The following C6orf136 variants were observed in gnomAD, a reference collection of about 807,000 sequenced individuals.
C6orf136 encodes chromosome 6 open reading frame 136.
Under a neutral mutation model 44.0 loss-of-function variants are expected in C6orf136, and 29 were observed. That is an observed-to-expected ratio of 0.66 (90% CI 0.49 to 0.90). The LOEUF (loss-of-function observed/expected upper bound fraction) is 0.90, where lower values mean the gene tolerates loss of function less well. C6orf136 is among the 40% of genes least tolerant of loss of function. C6orf136 has a pLI of 0.00. For synonymous variants in C6orf136, 293 were observed against 278.6 expected (o/e 1.05, Z -0.52); for missense variants, 628 against 669.3 (o/e 0.94, Z 0.68).
At chr6:30,651,589 C>T in intron 4 of C6orf136, 123 bp downstream of exon 4, 1 of 941,556 alleles carries the variant, frequency 1.1e-6, no homozygotes. Context: ...TCACTGCAGC[C>T]TCTGCCTCCC....
rs762999694 is a variant in C6orf136, at chr6:30,647,224, G to A, written c.-8G>A. ...CTCAGGAGGCTCCTTCTCCACTCCC[G>A]GAAGATCATGTACCAGCCCAGCCGG... On this transcript the variant is annotated 5_prime_UTR_variant, in exon 1 of 6. Transcript: ENST00000651131. This position sits in a 1 kb window ranked among gnomAD's most constrained non-coding sequence, Gnocchi z 4.8. The A allele has an allele frequency of 1.6e-5, 25 of 1,578,492 alleles. 1 individual carries two copies. In the Middle Eastern group the frequency reaches 6.7e-4, roughly 42 times the overall value.
intron 1 of C6orf136, among the ~76,000 whole-genome samples, chr6:30,648,475 T>G (rs1767083740): frequency 6.7e-6 from 1 of 150,148 alleles, no homozygotes. Context: ...CTCGGCTCAC[T>G]GCAATCTCCG....
rs141632226 is a variant in C6orf136, at chr6:30,648,989, C to T, written c.616-569C>T. Among the ~76,000 whole-genome samples the T allele has an allele frequency of 1.9e-3, 285 of 147,028 alleles. 2 individuals carry two copies. The highest frequency in any genetic ancestry group is 6.0e-3 in the East Asian group (28 of 4,668). On this transcript the variant is annotated intron_variant, in intron 1 of 5. Transcript: ENST00000651131. ...CGCCAATGCACTCCAGCCTGGGCGA[C>T]GGTGAGACTTCGTCTCAAAAAAAGA... is the stretch of plus-strand genomic sequence containing the variant.
At chr6:30,649,095 T>G (rs145817704) in intron 1 of C6orf136, among the ~76,000 whole-genome samples, 2,219 of 152,266 alleles carry the variant, frequency 0.015, 46 homozygotes, top group African/African-American at 0.05. Context: ...CTGGGCGCGG[T>G]GGCCCACGCC....
chr6:30,647,956 G>T lies in C6orf136; in HGVS notation c.615+110G>T. 7.2e-7 allele frequency: 1 copy of T among 1,395,702 alleles called. No homozygotes were observed. The highest frequency in any genetic ancestry group is 9.3e-7 in the Non-Finnish European group (1 of 1,072,862). The allele number at this position is 1,395,702 out of a possible 1,614,324, so 86.5% of individuals were successfully genotyped here. On this transcript the variant is annotated intron_variant, in intron 1 of 5. Coordinates refer to ENST00000651131, the MANE Select transcript of C6orf136 (RefSeq NM_001161376.2). This position sits in a 1 kb window ranked among gnomAD's most constrained non-coding sequence, Gnocchi z 4.8. ...TAACTTTGGGTGACCTCCCCTTGCA[G>T]TTTCAACGTCGGTAAACCCAGGAGA...
chr6:30,649,287 C>T (rs9262133), intron 1 of C6orf136, among the ~76,000 whole-genome samples: 12,661 of 152,196 alleles, frequency 0.083, 775 homozygotes, highest in East Asian at 0.26. Flanking sequence ...CACTTGAACC[C>T]GGGAGGCGGA....
At position 30,650,004 on chromosome 6, in the gene C6orf136, T is replaced by G. The variant is rs374675890; in HGVS notation, c.1017+45T>G. Reference sequence around the variant, plus strand: ...GCCTTCGTCTACAGTGGGAAGGATGTGGGTAATCCTTGGACGTACAGGGAT... The same window carrying G: ...GCCTTCGTCTACAGTGGGAAGGATGGGGGTAATCCTTGGACGTACAGGGAT... On this transcript the variant is annotated intron_variant, in intron 2 of 5. Transcript: ENST00000651131. 4.0e-5 allele frequency: 62 copies of G among 1,553,012 alleles called. No individual in the cohort carries two copies. In the African/African-American group the frequency reaches 6.1e-4, roughly 15 times the overall value.
chr6:30,650,853 A>G lies in C6orf136; in HGVS notation c.1018-141A>G. The G allele has an allele frequency of 4.8e-6, 3 of 623,866 alleles. No individual in the cohort carries two copies. In the South Asian group the frequency reaches 5.8e-5, roughly 12 times the overall value. The allele number at this position is 623,866 out of a possible 1,614,324, so 38.6% of individuals were successfully genotyped here. ...CTTGAACCTAGGAGGCGGAGGTTGC[A>G]GTGAGCTGAGATTGTACCTCTGTAC... On this transcript the variant is annotated intron_variant, in intron 2 of 5. Transcript: ENST00000651131.
rs1180613683 is a variant in C6orf136 at position 30,649,973 on chromosome 6, A to G, written c.1017+14A>G. The G allele has an allele frequency of 1.2e-6, 2 of 1,609,538 alleles. No homozygotes were observed. Among genetic ancestry groups the G allele is most frequent in the Non-Finnish European group, 1.7e-6 (2 of 1,179,262 alleles). ...CTGAGACAAGAGGTAAGTCAGTGCA[A>G]AAGTGGCCTTCGTCTACAGTGGGAA... On this transcript the variant is annotated intron_variant, in intron 2 of 5. Coordinates refer to ENST00000651131, the MANE Select transcript of C6orf136 (RefSeq NM_001161376.2).
In C6orf136 at chr6:30,647,199, C is replaced by T; in HGVS notation, c.-33C>T. 1.3e-6 allele frequency: 2 copies of T among 1,539,610 alleles called. No individual in the cohort carries two copies. Among genetic ancestry groups the T allele is most frequent in the Non-Finnish European group, 1.7e-6 (2 of 1,151,244 alleles). On this transcript the variant is annotated 5_prime_UTR_variant, in exon 1 of 6. Transcript: ENST00000651131. This position sits in a 1 kb window ranked among gnomAD's most constrained non-coding sequence, Gnocchi z 4.8. ...CCCTGTGAGGAGGCCGGAGGTCGGACTCAGGAGGCTCCTTCTCCACTCCCG... is the reference window on the plus strand; with the variant it reads ...CCCTGTGAGGAGGCCGGAGGTCGGATTCAGGAGGCTCCTTCTCCACTCCCG...
chr6:30,647,606 A>C lies in C6orf136; in HGVS notation c.375A>C (p.Arg125Ser), dbSNP rs1766973309. Residue 125 changes from arginine (R) to serine (S), a missense_variant, in exon 1 of 6, where the codon AGA becomes AGC. Coordinates refer to ENST00000651131, the MANE Select transcript of C6orf136 (RefSeq NM_001161376.2). The surrounding 1 kb of genome is among the most constrained non-coding windows in gnomAD (Gnocchi z 4.8). ...APDSPRLPVP[R>S]GDLKGRGREI... is the part of the protein sequence containing the mutation. ...ACTCTCCGCGGTTACCTGTGCCTAG[A>C]GGTGATTTGAAGGGCAGGGGCCGAG... The C allele has an allele frequency of 6.5e-7, 1 of 1,548,974 alleles. No homozygotes were observed. The highest frequency in any genetic ancestry group is 2.4e-5 in the East Asian group (1 of 40,866).
At position 30,647,973 on chromosome 6, in the gene C6orf136, C is replaced by T; in HGVS notation, c.615+127C>T. The T allele has an allele frequency of 7.4e-7, 1 of 1,351,848 alleles. No homozygotes were observed. The highest frequency in any genetic ancestry group is 9.7e-7 in the Non-Finnish European group (1 of 1,033,954). 83.7% of individuals were successfully genotyped at this position (1,351,848 alleles called of 1,614,324 possible). On this transcript the variant is annotated intron_variant, in intron 1 of 5. Coordinates refer to ENST00000651131, the MANE Select transcript of C6orf136 (RefSeq NM_001161376.2). This position sits in a 1 kb window ranked among gnomAD's most constrained non-coding sequence, Gnocchi z 4.8. ...CCCTTGCAGTTTCAACGTCGGTAAA[C>T]CCAGGAGAGTGAAGGCCAGCCTTTA... is the stretch of plus-strand genomic sequence containing the variant.
chr6:30,649,576 ACT>A lies in C6orf136; in HGVS notation c.637_638del (p.Leu213ThrfsTer66). On this transcript the variant is annotated frameshift_variant, in exon 2 of 6. Coordinates refer to ENST00000651131, the MANE Select transcript of C6orf136 (RefSeq NM_001161376.2). LOFTEE classifies it high-confidence loss of function. ...TCCTTAGGACCAGCTTTATCCAGGG[ACT>A]CTACCATTCCCACCCCTTTGGCCCC... The part of the protein sequence containing the change: ...SGTEDQLYPG[T>X]LPFPPLWPHS... 6.3e-7 allele frequency: 1 copy of A among 1,583,456 alleles called. No individual in the cohort carries two copies. The highest frequency in any genetic ancestry group is 8.5e-7 in the Non-Finnish European group (1 of 1,172,352).
Position 30,647,892 on chromosome 6 carries a change from TG to T in C6orf136, c.615+52del, listed in dbSNP as rs777154560. ...CCTTCCCTGCAGTGAGACGATCCCCTGGGGGGTTCCTTGGGAGCGGAGGGAC... is the reference window on the plus strand; with the variant it reads ...CCTTCCCTGCAGTGAGACGATCCCCTGGGGGTTCCTTGGGAGCGGAGGGAC... On this transcript the variant is annotated intron_variant, in intron 1 of 5. Coordinates refer to ENST00000651131, the MANE Select transcript of C6orf136 (RefSeq NM_001161376.2). This position sits in a 1 kb window ranked among gnomAD's most constrained non-coding sequence, Gnocchi z 4.8. The T allele has an allele frequency of 2.8e-6, 4 of 1,432,042 alleles. No homozygotes were observed. Among genetic ancestry groups the T allele is most frequent in the East Asian group, 2.6e-5 (1 of 38,240 alleles). 88.7% of individuals were successfully genotyped at this position (1,432,042 alleles called of 1,614,324 possible).
rs1767222279 is a variant in C6orf136 at position 30,649,670 on chromosome 6, C to T, written c.728C>T (p.Thr243Ile). The change falls in exon 2 of 6, where the codon ACC (threonine) becomes ATC (isoleucine). Residue 243 changes from threonine (T) to isoleucine (I), a missense_variant. Thr to Ile is a moderately conservative substitution (Grantham distance 89). This residue lies in a region of C6orf136 where 497 missense variants were observed against 469.2 expected (regional missense o/e 1.06). Transcript: ENST00000651131. ...FWSPLPPRLP[T>I]QRLPQVPPLP... ...TCTCCCCTGCCCCCACGCCTTCCCA[C>T]CCAGCGTCTTCCCCAGGTTCCCCCA... 6.2e-7 allele frequency: 1 copy of T among 1,609,092 alleles called. No homozygotes were observed. Among genetic ancestry groups the T allele is most frequent in the Admixed American group, 1.7e-5 (1 of 58,096 alleles).
In C6orf136 at chr6:30,651,471, G is replaced by C; in HGVS notation, c.1307+5G>C. The C allele has an allele frequency of 1.2e-6, 2 of 1,604,166 alleles. No individual in the cohort carries two copies. Among genetic ancestry groups the C allele is most frequent in the South Asian group, 1.1e-5 (1 of 91,066 alleles). On this transcript the variant is annotated splice_donor_5th_base_variant and intron_variant, in intron 4 of 5. Transcript: ENST00000651131. ...TGACAAAGACGAGCATTACCGGTAA[G>C]AGAGAAATGAGAAAGGACCCAAACT...
At position 30,647,144 on chromosome 6, in the gene C6orf136, T is replaced by C; in HGVS notation, c.-88T>C. 6 of 679,710 alleles carry C rather than the reference T, an allele frequency of 8.8e-6. No homozygotes were observed. The highest frequency in any genetic ancestry group is 2.0e-5 in the South Asian group (1 of 49,182). 42.1% of individuals were successfully genotyped at this position (679,710 alleles called of 1,614,324 possible). ...CCCCCCGCCCCGGCCTCCTTTCCCCTTCACGAAGCCGGCTCTGGGGCGCGC... is the reference window on the plus strand; with the variant it reads ...CCCCCCGCCCCGGCCTCCTTTCCCCCTCACGAAGCCGGCTCTGGGGCGCGC... On this transcript the variant is annotated 5_prime_UTR_variant, in exon 1 of 6. Coordinates refer to ENST00000651131, the MANE Select transcript of C6orf136 (RefSeq NM_001161376.2). This position sits in a 1 kb window ranked among gnomAD's most constrained non-coding sequence, Gnocchi z 4.8.
chr6:30,652,526 G>A lies in C6orf136; in HGVS notation c.1308-122G>A, dbSNP rs1767529871. On this transcript the variant is annotated intron_variant, in intron 4 of 5. Transcript: ENST00000651131. ...GCACAACCTAAGCACTGAGATGTTT[G>A]TAAGTTGCCCAGGTGATCTAATATG... The A allele has an allele frequency of 1.1e-5, 9 of 852,966 alleles. No homozygotes were observed. The South Asian group carries it at 1.2e-4, about 12-fold the overall frequency. The allele number at this position is 852,966 out of a possible 1,614,324, so 52.8% of individuals were successfully genotyped here. A position where few individuals can be genotyped will look rare whatever the true frequency, so the allele number is the denominator to read the frequency against.
At position 30,647,137 on chromosome 6, in the gene C6orf136, T is replaced by G. The variant is rs1179604338; in HGVS notation, c.-95T>G. The stretch of plus-strand genomic sequence containing the variant: ...CCCCTACCCCCCCGCCCCGGCCTCC[T>G]TTCCCCTTCACGAAGCCGGCTCTGG... On this transcript the variant is annotated 5_prime_UTR_variant, in exon 1 of 6. Coordinates refer to ENST00000651131, the MANE Select transcript of C6orf136 (RefSeq NM_001161376.2). This position sits in a 1 kb window ranked among gnomAD's most constrained non-coding sequence, Gnocchi z 4.8. The G allele has an allele frequency of 4.2e-5, 23 of 551,828 alleles. No individual in the cohort carries two copies. The highest frequency in any genetic ancestry group is 4.3e-5 in the Non-Finnish European group (16 of 371,568). 34.2% of individuals were successfully genotyped at this position (551,828 alleles called of 1,614,324 possible).
Sources: gnomAD v4.1 joint callset for allele counts (sites outside exome capture counted in the v4.1 genomes callset) on GRCh38, gnomAD v4.1.1 for gene constraint, gnomAD v4.1.1 regional missense constraint, Gnocchi (gnomAD v3.1) non-coding constraint, MANE v1.5 for transcripts, NCBI Gene and HGNC (gene_info 2026-07-23, HGNC 2026-07-21) for gene names.